FBXL8: variants seen among roughly 807,000 people sequenced by gnomAD.
FBXL8 encodes F-box and leucine rich repeat protein 8, also known as F-box/LRR-repeat protein 8.
FBXL8 carries 13 observed loss-of-function variants against 8.2 expected under a neutral mutation model. The ratio of observed to expected loss-of-function variants is 1.58; its 90% CI spans 1.03 to 2.51. FBXL8 has a LOEUF of 2.51. Among genes scored for constraint, FBXL8 ranks in the 30% most tolerant of loss-of-function variants. The pLI is 0.00. For synonymous variants in FBXL8, 271 were observed against 260.5 expected (o/e 1.04, Z -0.39); for missense variants, 565 against 540.4 (o/e 1.05, Z -0.45).
At chr16:67,162,337 A>G (rs1475472428) in intron 2 of FBXL8, 1 of 480,790 alleles carries the variant, frequency 2.1e-6, no homozygotes, top group Non-Finnish European at 3.7e-6. Flanking sequence ...CAAAATAATA[A>G]TAATAATTGC....
chr16:67,160,899 C>G (rs1567664790), intron 1 of FBXL8, among the ~76,000 whole-genome samples: 1 of 152,162 alleles, frequency 6.6e-6, no homozygotes, highest in Non-Finnish European at 1.5e-5. Context: ...CCTCAGGCCC[C>G]AGAACCGTCA....
rs1222156310 is a variant in FBXL8, at chr16:67,164,033, C to G, written c.*213C>G. The G allele has an allele frequency of 1.4e-6, 1 of 733,374 alleles. No individual in the cohort carries two copies. Among genetic ancestry groups the G allele is most frequent in the Non-Finnish European group, 2.4e-6 (1 of 415,296 alleles). 45.4% of individuals were successfully genotyped at this position (733,374 alleles called of 1,614,324 possible). On this transcript the variant is annotated 3_prime_UTR_variant, in exon 3 of 3. Coordinates refer to ENST00000258200, the MANE Select transcript of FBXL8 (RefSeq NM_018378.3). ...ACCCTCTGCAGACGCCCCACCCGCTCGGTCCTGGACACACTGCCCCCCTCT... is the reference window on the plus strand; with the variant it reads ...ACCCTCTGCAGACGCCCCACCCGCTGGGTCCTGGACACACTGCCCCCCTCT...
chr16:67,160,958 A>G (rs754830852), intron 1 of FBXL8, among the ~76,000 whole-genome samples: 25 of 152,024 alleles, frequency 1.6e-4, no homozygotes, highest in Non-Finnish European at 3.1e-4. Flanking sequence ...TGTCTTAGGA[A>G]GCACCCGGGA....
In FBXL8 at chr16:67,162,881, T is replaced by C. The variant is rs2030967414; in HGVS notation, c.186T>C (p.Pro62=). 1 of 1,551,580 alleles carries C rather than the reference T, an allele frequency of 6.4e-7. No homozygotes were observed. Among genetic ancestry groups the C allele is most frequent in the Non-Finnish European group, 8.7e-7 (1 of 1,147,114 alleles). Residue 62 remains proline (P), a synonymous_variant, in exon 3 of 3, where the codon CCT becomes CCC. Coordinates refer to ENST00000258200, the MANE Select transcript of FBXL8 (RefSeq NM_018378.3). ...GTGAGCTGGAAGGCATGCTGCCACCTTATCTGTCCGCCTGCCTCGACCACA... is the reference window on the plus strand; with the variant it reads ...GTGAGCTGGAAGGCATGCTGCCACCCTATCTGTCCGCCTGCCTCGACCACA... ...CECELEGMLP[P]YLSACLDHIH...
rs1300364987 is a variant in FBXL8 at position 67,163,122 on chromosome 16, C to A, written c.427C>A (p.Arg143=). The change falls in exon 3 of 3, where the codon CGG becomes AGG. Residue 143 remains arginine, a synonymous_variant. Coordinates refer to ENST00000258200, the MANE Select transcript of FBXL8 (RefSeq NM_018378.3). The stretch of plus-strand genomic sequence containing the variant: ...CAGCCAGCTACGCCACCTCGACCTG[C>A]GGCGCTTGTCCTTCACACTGGACGA... ...AASQLRHLDL[R]RLSFTLDDAL... 6.3e-7 allele frequency: 1 copy of A among 1,576,498 alleles called. No individual in the cohort carries two copies.
In FBXL8 at chr16:67,163,659, G is replaced by T. The variant is rs746733316; in HGVS notation, c.964G>T (p.Glu322Ter). Reference sequence around the variant, plus strand: ...GGCCGAGCTGAACGCCGCGCTGGAGGAGCTGGCGGCGCGCTGCGCGGCCCT... The same window carrying T: ...GGCCGAGCTGAACGCCGCGCTGGAGTAGCTGGCGGCGCGCTGCGCGGCCCT... ...ASAELNAALE[E>*]LAARCAALRE... is the part of the protein sequence containing the mutation. Residue 322 changes from glutamate (E) to a stop codon, truncating the protein, a stop_gained, in exon 3 of 3, where the codon GAG (glutamate) becomes TAG (stop). Transcript: ENST00000258200. LOFTEE classifies it high-confidence loss of function. 1 of 1,572,342 alleles carries T rather than the reference G, an allele frequency of 6.4e-7. No individual in the cohort carries two copies. Among genetic ancestry groups the T allele is most frequent in the Non-Finnish European group, 8.6e-7 (1 of 1,167,598 alleles).
intron 1 of FBXL8, among the ~76,000 whole-genome samples, chr16:67,160,964 C>T (rs1234165552): frequency 6.6e-6 from 1 of 151,832 alleles, no homozygotes; most frequent in African/African-American, 2.4e-5. Flanking sequence ...AGGAAGCACC[C>T]GGGACATCTC....
At chr16:67,162,494 C>T (rs926536546) in intron 2 of FBXL8, 1 of 670,908 alleles carries the variant, frequency 1.5e-6, no homozygotes, top group Non-Finnish European at 2.7e-6. Flanking sequence ...GGCAAAGAGA[C>T]TTAATCACTT....
intron 2 of FBXL8, chr16:67,162,366 G>A (rs565618553): frequency 4.8e-5 from 27 of 566,806 alleles, no homozygotes; most frequent in Non-Finnish European, 7.9e-5. Context: ...TGACTGCCTA[G>A]TATATACCAA....
chr16:67,161,586 C>T (rs1597232630), intron 1 of FBXL8, 149 bp from the exon 2 acceptor site: 1 of 536,046 alleles, frequency 1.9e-6, no homozygotes, highest in Non-Finnish European at 3.1e-6. Context: ...GTGAAATCTG[C>T]TTTGTGAACA....
chr16:67,162,695 C>T (rs1371345665), intron 2 of FBXL8, 153 bp from the exon 3 acceptor site: 1 of 1,059,418 alleles, frequency 9.4e-7, no homozygotes, highest in African/African-American at 1.6e-5. Context: ...CGAGTTCCCT[C>T]CTTTGGGGCA....
At chr16:67,160,710 C>T (rs898992268) in intron 1 of FBXL8, among the ~76,000 whole-genome samples, 3 of 152,114 alleles carry the variant, frequency 2.0e-5, no homozygotes, top group Admixed American at 2.0e-4. Context: ...GATTCCGTCT[C>T]AAAACAAAAC....
At chr16:67,160,293 G>A (rs2030856572) in intron 1 of FBXL8, 1 of 152,218 alleles carries the variant, frequency 6.6e-6, no homozygotes, top group South Asian at 2.1e-4. Flanking sequence ...CCGGCCGAAC[G>A]TATCTGAAGC....
rs1033833016 is a variant in FBXL8, at chr16:67,163,340, C to G, written c.645C>G (p.Asp215Glu). 1 of 1,564,284 alleles carries G rather than the reference C, an allele frequency of 6.4e-7. No homozygotes were observed. The highest frequency in any genetic ancestry group is 1.4e-5 in the African/African-American group (1 of 73,942). The change falls in exon 3 of 3, where the codon GAC becomes GAG. Residue 215 changes from aspartate (D) to glutamate (E), a missense_variant. By Grantham distance (45) the Asp-to-Glu change is conservative. Coordinates refer to ENST00000258200, the MANE Select transcript of FBXL8 (RefSeq NM_018378.3). The stretch of plus-strand genomic sequence containing the variant: ...TCCTCGAAGCACTGGCGGCGCCAGA[C>G]CGAGCGCCTTTCGCGCTCTTGGCTC... ...HAILEALAAP[D>E]RAPFALLALR...
intron 1 of FBXL8, 41 bp downstream of exon 1, chr16:67,160,097 G>A (rs1300468041): frequency 1.3e-5 from 2 of 152,248 alleles, no homozygotes; most frequent in African/African-American, 4.8e-5. Flanking sequence ...AGGAAGACCC[G>A]ACTTTGGGGG....
At position 67,163,929 on chromosome 16, in the gene FBXL8, C is replaced by T. The variant is rs534054261; in HGVS notation, c.*109C>T. The T allele has an allele frequency of 4.7e-5, 69 of 1,476,112 alleles. No homozygotes were observed. The African/African-American group carries it at 6.4e-4, about 14-fold the overall frequency. The allele number at this position is 1,476,112 out of a possible 1,614,324, so 91.4% of individuals were successfully genotyped here. A position where few individuals can be genotyped will look rare whatever the true frequency, so the allele number is the denominator to read the frequency against. ...TAGTGCCTTCTTTTGGGATTGTTGC[C>T]CCCCGGGTCTTTACCGAGTTGGGAA... On this transcript the variant is annotated 3_prime_UTR_variant, in exon 3 of 3. Transcript: ENST00000258200.
At chr16:67,161,451 GAAA>G (rs59873315) in intron 1 of FBXL8, among the ~76,000 whole-genome samples, 13 of 105,616 alleles carry the variant, frequency 1.2e-4, no homozygotes, top group African/African-American at 3.9e-4. Context: ...CAAAAAAAAA[GAAA>G]AAAAAAAAAA....
In FBXL8 at chr16:67,163,536, C is replaced by G. The variant is rs764362491; in HGVS notation, c.841C>G (p.Arg281Gly). 6.4e-7 allele frequency: 1 copy of G among 1,567,722 alleles called. No individual in the cohort carries two copies. The highest frequency in any genetic ancestry group is 1.1e-5 in the South Asian group (1 of 87,296). ...LQPAVPVAAL[R>G]LNLSGDTVGP... ...GCCAGCCGTCCCCGTGGCTGCGCTG[C>G]GCCTCAACCTCTCAGGCGACACCGT... Residue 281 changes from arginine (R) to glycine (G), a missense_variant, in exon 3 of 3, where the codon CGC (arginine) becomes GGC (glycine). Arg to Gly is a moderately radical substitution (Grantham distance 125, BLOSUM62 -2). Transcript: ENST00000258200.
In FBXL8 at chr16:67,163,096, C is replaced by T; in HGVS notation, c.401C>T (p.Ala134Val). Residue 134 changes from alanine (A) to valine (V), a missense_variant, in exon 3 of 3, where the codon GCC (alanine) becomes GTC (valine). Physicochemically the swap from Ala to Val is moderately conservative, Grantham distance 64. Transcript: ENST00000258200. The part of the protein sequence containing the change: ...LEAVHAVCGA[A>V]SQLRHLDLRR... Reference sequence around the variant, plus strand: ...GCTGTGCACGCTGTATGCGGGGCGGCCAGCCAGCTACGCCACCTCGACCTG... The same window carrying T: ...GCTGTGCACGCTGTATGCGGGGCGGTCAGCCAGCTACGCCACCTCGACCTG... 1 of 1,581,934 alleles carries T rather than the reference C, an allele frequency of 6.3e-7. No homozygotes were observed. Among genetic ancestry groups the T allele is most frequent in the Non-Finnish European group, 8.6e-7 (1 of 1,164,612 alleles).
Sources: gnomAD v4.1 joint callset for allele counts (sites outside exome capture counted in the v4.1 genomes callset) on GRCh38, gnomAD v4.1.1 for gene constraint, MANE v1.5 for transcripts, NCBI Gene and HGNC (gene_info 2026-07-23, HGNC 2026-07-21) for gene names.